The following SYMPK variants were observed in gnomAD, a reference collection of about 807,000 sequenced individuals.
SYMPK encodes the protein symplekin.
A neutral mutation model predicts 136.4 loss-of-function variants in SYMPK; 49 were observed. That is an observed-to-expected ratio of 0.36 (90% confidence interval 0.29 to 0.46). The LOEUF (loss-of-function observed/expected upper bound fraction) is 0.46. SYMPK is among the 20% of genes least tolerant of loss of function. The pLI is 1.00. For missense variants in SYMPK, 1,365 were observed against 1,690.0 expected, an observed-to-expected ratio of 0.81 and a Z score of 3.37; for synonymous variants, 766 against 713.0, an observed-to-expected ratio of 1.07 and a Z score of -1.19.
rs1971624927 is a variant in SYMPK at position 45,848,739 on chromosome 19, G to A, written c.426+11C>T. On this transcript the variant is annotated intron_variant, in intron 6 of 26. Coordinates refer to ENST00000245934, the MANE Select transcript of SYMPK (RefSeq NM_004819.3). ...AGGCAGGATGGCCCTGGGTGGGGAG[G>A]GCGCTCTCACCTGCAGGGCCACCTT... is the stretch of plus-strand genomic sequence containing the variant. 1 of 1,613,180 alleles carries A rather than the reference G, an allele frequency of 6.2e-7. No individual in the cohort carries two copies. The highest frequency in any genetic ancestry group is 8.5e-7 in the Non-Finnish European group (1 of 1,179,990).
intron 23 of SYMPK, 112 bp downstream of exon 23, chr19:45,817,847 G>A (rs983267922): frequency 2.5e-5 from 28 of 1,132,978 alleles, no homozygotes; most frequent in African/African-American, 3.1e-5. Flanking sequence ...GCAGAGCAGA[G>A]CCTGCTGTCC....
In SYMPK at chr19:45,863,116, G is replaced by A; in HGVS notation, c.-71C>T. The A allele has an allele frequency of 9.4e-6, 3 of 318,804 alleles. No individual in the cohort carries two copies. Among genetic ancestry groups the A allele is most frequent in the Non-Finnish European group, 1.1e-5 (2 of 177,462 alleles). The allele number at this position is 318,804 out of a possible 1,614,324, so 19.7% of individuals were successfully genotyped here. ...TCAGCAGTGCCTCTTCCTACACTCC[G>A]CCGCCGCCGCCGCCGCCATCTTCCG... On this transcript the variant is annotated 5_prime_UTR_variant, in exon 1 of 27. Coordinates refer to ENST00000245934, the MANE Select transcript of SYMPK (RefSeq NM_004819.3).
chr19:45,831,285 ACACACACACG>A (rs1971166197), intron 12 of SYMPK, 89 bp downstream of exon 12: 2 of 890,672 alleles, frequency 2.2e-6, no homozygotes, highest in South Asian at 2.5e-5. Flanking sequence ...TCTCAGTTAC[ACACACACACG>A]CACACGCACA....
At position 45,815,893 on chromosome 19, in the gene SYMPK, C is replaced by T. The variant is rs1218278562; in HGVS notation, c.3645G>A (p.Glu1215=). Residue 1215 remains glutamate, a synonymous_variant, in exon 26 of 27, where the codon GAG becomes GAA. Coordinates refer to ENST00000245934, the MANE Select transcript of SYMPK (RefSeq NM_004819.3). ...CGAGACTAGAGTCCAACAGCGCGGC[C>T]TCGGTCAGCCCCGAGTCGTCATCCA... ...ISMDDDSGLT[E]AALLDSSLEG... 6.2e-7 allele frequency: 1 copy of T among 1,611,846 alleles called. No individual in the cohort carries two copies. Among genetic ancestry groups the T allele is most frequent in the African/African-American group, 1.3e-5 (1 of 74,782 alleles).
At chr19:45,840,767 C>T (rs541499249) in intron 9 of SYMPK, among the ~76,000 whole-genome samples, 4 of 151,394 alleles carry the variant, frequency 2.6e-5, no homozygotes, top group South Asian at 4.2e-4. Flanking sequence ...TGCTTGAACC[C>T]GGGAGACAGA....
Position 45,843,574 on chromosome 19 carries a change from T to C in SYMPK, c.847+456A>G, listed in dbSNP as rs769444644. Among the ~76,000 whole-genome samples, 9 of 152,064 alleles carry C rather than the reference T, an allele frequency of 5.9e-5. 1 individual carries two copies. The highest frequency in any genetic ancestry group is 4.6e-4 in the Admixed American group (7 of 15,246). ...TCTGTCACATGCCAAAAGATTCCTG[T>C]CTAATGTAGAGAATCTCAGGCCTGC... is the stretch of plus-strand genomic sequence containing the variant. On this transcript the variant is annotated intron_variant, in intron 8 of 26. Coordinates refer to ENST00000245934, the MANE Select transcript of SYMPK (RefSeq NM_004819.3).
At chr19:45,828,902 G>C in intron 14 of SYMPK, 68 bp downstream of exon 14, 1 of 1,506,958 alleles carries the variant, frequency 6.6e-7, no homozygotes, top group Non-Finnish European at 9.2e-7. Flanking sequence ...GTCGCAATCA[G>C]AAAGGGAGGG....
chr19:45,818,665 ACAAT>A (rs1197587347), intron 22 of SYMPK, among the ~76,000 whole-genome samples: 2 of 152,186 alleles, frequency 1.3e-5, no homozygotes, highest in African/African-American at 2.4e-5. Context: ...GCATATGGGC[ACAAT>A]CAGAGTAATA....
chr19:45,850,490 C>T (rs958494932), intron 5 of SYMPK, among the ~76,000 whole-genome samples: 1 of 152,190 alleles, frequency 6.6e-6, no homozygotes, highest in African/African-American at 2.4e-5. Context: ...CTTTAATAAA[C>T]AAATGAGCAA....
chr19:45,816,266 G>T, intron 25 of SYMPK, 83 bp from the exon 26 acceptor site: 9 of 1,170,356 alleles, frequency 7.7e-6, no homozygotes, highest in Non-Finnish European at 1.1e-5. Flanking sequence ...ACCCTGAGGT[G>T]GTCTTTGAGT....
In SYMPK at chr19:45,815,422, C is replaced by CTT; in HGVS notation, c.*136_*137dup. 1.7e-5 allele frequency: 11 copies of CTT among 666,504 alleles called. No homozygotes were observed. Among genetic ancestry groups the CTT allele is most frequent in the Admixed American group, 1.2e-4 (2 of 16,582 alleles). The allele number at this position is 666,504 out of a possible 1,614,324, so 41.3% of individuals were successfully genotyped here. A position where few individuals can be genotyped will look rare whatever the true frequency, so the allele number is the denominator to read the frequency against. On this transcript the variant is annotated 3_prime_UTR_variant, in exon 27 of 27. Coordinates refer to ENST00000245934, the MANE Select transcript of SYMPK (RefSeq NM_004819.3). The stretch of plus-strand genomic sequence containing the variant: ...CACCCGCGCCCCAGGCCCGCCATCC[C>CTT]TTTTTTTTTTTCTTTTCAGTAACTT...
At chr19:45,823,221 C>T (rs532163799) in intron 20 of SYMPK, 151 bp downstream of exon 20, 6 of 764,382 alleles carry the variant, frequency 7.8e-6, no homozygotes, top group African/African-American at 3.4e-5. Context: ...CAGGTGTCGG[C>T]GGCTTCCATG....
chr19:45,818,311 C>T (rs773225476), intron 22 of SYMPK, among the ~76,000 whole-genome samples, 165 bp from the exon 23 acceptor site: 1 of 152,202 alleles, frequency 6.6e-6, no homozygotes, highest in Non-Finnish European at 1.5e-5. Flanking sequence ...GCAGAAGGCA[C>T]ACTGCAAGCC....
intron 1 of SYMPK, chr19:45,855,470 G>A (rs944029195): frequency 6.6e-6 from 1 of 151,902 alleles, no homozygotes; most frequent in African/African-American, 2.4e-5. Context: ...GAGACTGGCT[G>A]AAAAAAAGTT....
intron 5 of SYMPK, 119 bp downstream of exon 5, chr19:45,852,193 G>C (rs369646288): frequency 9.8e-7 from 1 of 1,019,060 alleles, no homozygotes; most frequent in African/African-American, 1.6e-5. Context: ...GTGTATGAGA[G>C]AGAGAAAGGG....
chr19:45,820,513 C>A (rs1356406366), intron 22 of SYMPK: 1 of 152,336 alleles, frequency 6.6e-6, no homozygotes, highest in African/African-American at 2.4e-5. Context: ...AGAGAGGAAG[C>A]CCCTTCCCGT....
At chr19:45,815,720 G>A (rs1219230400) in intron 26 of SYMPK, 23 bp from the exon 27 acceptor site, 2 of 1,606,096 alleles carry the variant, frequency 1.2e-6, no homozygotes, top group Non-Finnish European at 1.7e-6. Context: ...GAAGGAAAGG[G>A]CAGCCGGGTG....
At chr19:45,825,872 G>A (rs554870446) in intron 17 of SYMPK, among the ~76,000 whole-genome samples, 8 of 152,212 alleles carry the variant, frequency 5.3e-5, no homozygotes, top group Admixed American at 1.3e-4. Context: ...CTCCCGTGCT[G>A]CCCTATCATG....
Position 45,848,861 on chromosome 19 carries a change from C to A in SYMPK, c.315G>T (p.Glu105Asp). The A allele has an allele frequency of 6.2e-7, 1 of 1,614,024 alleles. No individual in the cohort carries two copies. The highest frequency in any genetic ancestry group is 8.5e-7 in the Non-Finnish European group (1 of 1,180,030). Residue 105 changes from glutamate (E) to aspartate (D), a missense_variant, in exon 6 of 27, where the codon GAG becomes GAT. Transcript: ENST00000245934. ...GGTTTGCAATGAGTTTCAGCAGCAA[C>A]TCAATGTCTCGCTTGCTGAGGGATG... ...FIEEACKRDI[E>D]LLLKLIANLN...
Sources: allele counts gnomAD v4.1 joint callset (sites outside exome capture counted in the v4.1 genomes callset), GRCh38; gene constraint gnomAD v4.1.1; transcripts MANE v1.5; gene names NCBI Gene and HGNC (gene_info 2026-07-23, HGNC 2026-07-21).